Variants in CHODL observed in about 807,000 individuals in gnomAD.
CHODL encodes transmembrane protein MT75.
In CHODL, 29 loss-of-function variants were observed where a neutral mutation model predicts 34.5. The ratio of observed to expected loss-of-function variants is 0.84; its 90% CI spans 0.63 to 1.15. The LOEUF is 1.15. Among genes scored for constraint, CHODL ranks in the 50% most tolerant of loss-of-function variants. The pLI is 0.00. For missense variants in CHODL, 332 were observed against 332.5 expected, an observed-to-expected ratio of 1.00 and a Z score of 0.01; for synonymous variants, 125 against 116.1, an observed-to-expected ratio of 1.08 and a Z score of -0.49.
chr21:18,066,598 C>A (rs547340995), intron 2 of CHODL, among the ~76,000 whole-genome samples: 1 of 152,254 alleles, frequency 6.6e-6, no homozygotes, highest in Non-Finnish European at 1.5e-5. Context: ...AATATGCTGG[C>A]TTCCTGCTAC....
intron 2 of CHODL, among the ~76,000 whole-genome samples, chr21:18,049,221 G>A (rs2064483182): frequency 6.6e-6 from 1 of 151,918 alleles, no homozygotes; most frequent in Admixed American, 6.6e-5. Flanking sequence ...ATGCGTTACT[G>A]AAGTAGGATA....
intron 1 of CHODL, among the ~76,000 whole-genome samples, chr21:18,250,631 A>G (rs1379743355): frequency 6.6e-6 from 1 of 152,018 alleles, no homozygotes; most frequent in East Asian, 1.9e-4. Flanking sequence ...AACGCAGAAC[A>G]CTTGAACACC....
At chr21:18,039,840 T>G (rs2064353908) in intron 2 of CHODL, among the ~76,000 whole-genome samples, 1 of 151,818 alleles carries the variant, frequency 6.6e-6, no homozygotes, top group African/African-American at 2.4e-5. Context: ...CAAATTACCC[T>G]TTAAGAGATT....
chr21:18,174,161 A>ATATATATCTTGGTAT (rs2073276201), intron 2 of CHODL, among the ~76,000 whole-genome samples: 1 of 85,670 alleles, frequency 1.2e-5, no homozygotes, highest in Non-Finnish European at 3.1e-5. Context: ...ATATATATAT[A>ATATATATCTTGGTAT]AAATCAAGTC....
chr21:18,163,835 A>G (rs2073124572), intron 2 of CHODL, among the ~76,000 whole-genome samples: 1 of 152,212 alleles, frequency 6.6e-6, no homozygotes, highest in Non-Finnish European at 1.5e-5. Flanking sequence ...AAGCCTCAAA[A>G]CTTAGCAAGA....
intron 2 of CHODL, among the ~76,000 whole-genome samples, chr21:18,197,580 C>T (rs2073604490): frequency 6.6e-6 from 1 of 152,220 alleles, no homozygotes; most frequent in East Asian, 1.9e-4. Flanking sequence ...TGCACCACTG[C>T]ACTCAACCTG....
chr21:18,059,364 G>T (rs9305835), intron 2 of CHODL, among the ~76,000 whole-genome samples: 3,834 of 152,230 alleles, frequency 0.025, 140 homozygotes, highest in African/African-American at 0.087. Flanking sequence ...GTGGTATTTT[G>T]TTATGGCAGC....
chr21:17,998,893 T>A (rs2063878272), intron 1 of CHODL, among the ~76,000 whole-genome samples: 2 of 152,204 alleles, frequency 1.3e-5, no homozygotes, highest in South Asian at 4.1e-4. Flanking sequence ...TTCCCCATGG[T>A]ATTGGTGATT....
chr21:18,181,231 A>G (rs1048624102), intron 2 of CHODL, among the ~76,000 whole-genome samples: 10 of 152,232 alleles, frequency 6.6e-5, no homozygotes, highest in Admixed American at 2.0e-4. Flanking sequence ...ACATTATCAC[A>G]TTGTGAAAGT....
chr21:17,945,532 T>C (rs2063400177), intron 1 of CHODL, among the ~76,000 whole-genome samples: 3 of 152,214 alleles, frequency 2.0e-5, no homozygotes, highest in Non-Finnish European at 4.4e-5. Context: ...AGCTGGAAGA[T>C]AGAACATTGA....
chr21:17,989,972 A>C lies in CHODL; in HGVS notation c.-144-37900A>C, dbSNP rs117931498. 8.0e-4 allele frequency among the ~76,000 whole-genome samples: 122 copies of C among 152,216 alleles called. 1 individual carries two copies. The East Asian group carries it at 0.016, about 20-fold the overall frequency. On this transcript the variant is annotated intron_variant, in intron 1 of 6. Coordinates refer to the CHODL transcript ENST00000400127. ...ATAACAAGAGACAGAGTGCAGATTTAAATTTCACAAGACCTTTGTCTCCTA... is the reference window on the plus strand; with the variant it reads ...ATAACAAGAGACAGAGTGCAGATTTCAATTTCACAAGACCTTTGTCTCCTA...
chr21:18,201,929 T>C (rs1359773699), intron 2 of CHODL, among the ~76,000 whole-genome samples: 1 of 150,824 alleles, frequency 6.6e-6, no homozygotes, highest in Non-Finnish European at 1.5e-5. Flanking sequence ...CTCAGCCTCC[T>C]GAGTAGTTGG....
chr21:17,975,852 C>T (rs2063657625), intron 1 of CHODL, among the ~76,000 whole-genome samples: 1 of 152,044 alleles, frequency 6.6e-6, no homozygotes, highest in Non-Finnish European at 1.5e-5. Context: ...ACAAGGACCA[C>T]AAGGGCCCTC....
intron 2 of CHODL, among the ~76,000 whole-genome samples, chr21:18,197,582 C>G (rs1414326334): frequency 6.6e-6 from 1 of 152,168 alleles, no homozygotes. Context: ...CACCACTGCA[C>G]TCAACCTGGG....
chr21:18,229,983 A>G (rs138875565), intron 2 of CHODL, among the ~76,000 whole-genome samples: 10 of 152,264 alleles, frequency 6.6e-5, no homozygotes, highest in East Asian at 1.9e-4. Context: ...TGTCAAATCA[A>G]TTAATTGGGG....
intron 1 of CHODL, among the ~76,000 whole-genome samples, chr21:17,918,851 G>C (rs1001131280): frequency 6.6e-6 from 1 of 152,196 alleles, no homozygotes; most frequent in Admixed American, 6.5e-5. Context: ...AGATACAATG[G>C]CGGTACAGGA....
intron 2 of CHODL, among the ~76,000 whole-genome samples, chr21:18,094,873 C>A (rs2065119780): frequency 6.6e-6 from 1 of 152,014 alleles, no homozygotes; most frequent in East Asian, 1.9e-4. Context: ...CCTCTAATCC[C>A]AGCACTTTGA....
intron 4 of CHODL, 101 bp downstream of exon 4, chr21:18,260,387 G>C: frequency 2.8e-6 from 2 of 704,470 alleles, no homozygotes; most frequent in Non-Finnish European, 4.8e-6. Context: ...CTGGGGAAGT[G>C]GTTCACTAAG....
intron 1 of CHODL, among the ~76,000 whole-genome samples, chr21:17,933,193 A>T (rs1363297601): frequency 2.0e-5 from 3 of 152,192 alleles, no homozygotes; most frequent in Non-Finnish European, 4.4e-5. Context: ...GGCAGGAGAC[A>T]GATGCCTTCC....
Sources: gnomAD v4.1 joint callset for allele counts (sites outside exome capture counted in the v4.1 genomes callset) on GRCh38, gnomAD v4.1.1 for gene constraint, MANE v1.5 for transcripts, NCBI Gene and HGNC (gene_info 2026-07-23, HGNC 2026-07-21) for gene names.